Variants in NCAM1 observed in about 807,000 individuals in gnomAD.
The protein encoded by NCAM1 is antigen recognized by monoclonal antibody 5.1H11.
NCAM1 carries 14 observed loss-of-function variants against 109.8 expected under a neutral mutation model. The ratio of observed to expected loss-of-function variants is 0.13; its 90% CI spans 0.08 to 0.20. The LOEUF is 0.20. Ranked by LOEUF, NCAM1 falls within the 10% of genes least tolerant of loss-of-function variation. The probability of loss-of-function intolerance (pLI) is 1.00; values close to 1 mark genes in which losing one functional copy is unlikely to be tolerated. For missense variants in NCAM1, 774 were observed against 1,109.9 expected (o/e 0.70, Z 4.30); for synonymous variants, 418 against 442.9 (o/e 0.94, Z 0.70).
At chr11:113,171,477 C>T (rs1410005875) in intron 1 of NCAM1, among the ~76,000 whole-genome samples, 5 of 151,976 alleles carry the variant, frequency 3.3e-5, no homozygotes, top group African/African-American at 1.2e-4. Flanking sequence ...ACTAAAAATA[C>T]AAAAAATTAG....
intron 1 of NCAM1, chr11:113,133,443 A>C (rs548930990): frequency 6.6e-6 from 1 of 152,230 alleles, no homozygotes; most frequent in Non-Finnish European, 1.5e-5. Flanking sequence ...ACATCGCAAC[A>C]AAAAGGTAAG....
intron 1 of NCAM1, among the ~76,000 whole-genome samples, chr11:113,045,781 G>A (rs940021640): frequency 1.3e-5 from 2 of 151,900 alleles, no homozygotes; most frequent in Non-Finnish European, 2.9e-5. Flanking sequence ...TATAGAAATA[G>A]GCTTTTCTCT....
chr11:113,215,076 T>C (rs1215889573), intron 8 of NCAM1, among the ~76,000 whole-genome samples: 6 of 152,220 alleles, frequency 3.9e-5, no homozygotes, highest in Admixed American at 3.9e-4. Flanking sequence ...GAGGATTACA[T>C]CCTGGTTTTT....
rs149499467 is a variant in NCAM1, at chr11:113,012,164, G to A, written c.52+50500G>A. The stretch of plus-strand genomic sequence containing the variant: ...CTCCTGAGGAGCTGGGACTATAAGC[G>A]CGCACCTTCATGCCTGGCTAATTTT... On this transcript the variant is annotated intron_variant, in intron 1 of 19. Coordinates refer to ENST00000316851, the MANE Select transcript of NCAM1 (RefSeq NM_181351.5). Among the ~76,000 whole-genome samples, 306 of 152,016 alleles carry A rather than the reference G, an allele frequency of 2.0e-3. 1 individual carries two copies. Among genetic ancestry groups the A allele is most frequent in the African/African-American group, 6.3e-3 (263 of 41,448 alleles).
At chr11:112,974,070 TAA>T (rs1555067278) in intron 1 of NCAM1, among the ~76,000 whole-genome samples, 1 of 152,116 alleles carries the variant, frequency 6.6e-6, no homozygotes, top group African/African-American at 2.4e-5. Context: ...TGGTTGCTGC[TAA>T]AGATCATATT....
chr11:113,141,712 G>GTGCTCAAGTACTGCCTTCCCAC (rs1442155980), intron 1 of NCAM1, among the ~76,000 whole-genome samples: 2 of 151,960 alleles, frequency 1.3e-5, no homozygotes, highest in Non-Finnish European at 2.9e-5. Context: ...TAGACAGAAA[G>GTGCTCAAGTACTGCCTTCCCAC]TGCTCAAGTA....
intron 15 of NCAM1, among the ~76,000 whole-genome samples, chr11:113,246,797 A>G (rs782599459): frequency 1.6e-4 from 25 of 152,250 alleles, no homozygotes; most frequent in Non-Finnish European, 2.9e-4. Flanking sequence ...AATGTTTACA[A>G]CCTTGAAATG....
intron 1 of NCAM1, among the ~76,000 whole-genome samples, chr11:113,174,224 G>A (rs1246156549): frequency 6.6e-6 from 1 of 152,180 alleles, no homozygotes; most frequent in Non-Finnish European, 1.5e-5. Context: ...ATAGGACTTA[G>A]TTCCTCGAAT....
intron 1 of NCAM1, among the ~76,000 whole-genome samples, chr11:113,063,607 C>A (rs1198640768): frequency 6.6e-6 from 1 of 152,170 alleles, no homozygotes; most frequent in Non-Finnish European, 1.5e-5. Flanking sequence ...ACACCGTGGG[C>A]CCATATAATT....
chr11:113,173,591 G>GATAT lies in NCAM1; in HGVS notation c.53-28755_53-28752dup, dbSNP rs5794851. The stretch of plus-strand genomic sequence containing the variant: ...TATGACTAATATTAGCATGTTACCT[G>GATAT]ATATATATATATATATATATATATA... On this transcript the variant is annotated intron_variant, in intron 1 of 19. Transcript: ENST00000316851. Among the ~76,000 whole-genome samples, 614 of 126,570 alleles carry GATAT rather than the reference G, an allele frequency of 4.9e-3. 18 individuals carry two copies. Among genetic ancestry groups the GATAT allele is most frequent in the South Asian group, 4.9e-3 (19 of 3,878 alleles). The allele number at this position is 126,570 out of a possible 152,430, so 83.0% of individuals were successfully genotyped here.
intron 1 of NCAM1, among the ~76,000 whole-genome samples, chr11:113,007,308 C>T (rs1555073483): frequency 6.6e-6 from 1 of 152,138 alleles, no homozygotes; most frequent in Non-Finnish European, 1.5e-5. Context: ...GATCTTCCTG[C>T]CTCAGCCTCC....
intron 17 of NCAM1, chr11:113,264,845 C>T: frequency 1.0e-6 from 1 of 985,438 alleles, no homozygotes; most frequent in South Asian, 4.7e-5. Context: ...ACAGTGCGCT[C>T]CTCAGGAGGC....
In NCAM1 at chr11:113,038,225, G is replaced by T. The variant is rs894391247; in HGVS notation, c.52+76561G>T. ...ATTATCGCTCACTAATCCCTAAATCGATGTCCCAGCCAAAGTGCCCCACTC... is the reference window on the plus strand; with the variant it reads ...ATTATCGCTCACTAATCCCTAAATCTATGTCCCAGCCAAAGTGCCCCACTC... On this transcript the variant is annotated intron_variant, in intron 1 of 19. Transcript: ENST00000316851. 3.9e-5 allele frequency among the ~76,000 whole-genome samples: 6 copies of T among 152,130 alleles called. No individual in the cohort carries two copies. The South Asian group carries it at 1.0e-3, about 26-fold the overall frequency.
At chr11:113,260,084 C>A (rs1945945908) in intron 16 of NCAM1, 62 bp from the exon 17 acceptor site, 2 of 1,479,320 alleles carry the variant, frequency 1.4e-6, no homozygotes, top group Admixed American at 4.4e-5. Context: ...CTGGTCTTAC[C>A]AGTACTTTTA....
chr11:113,170,848 C>A (rs966547961), intron 1 of NCAM1, among the ~76,000 whole-genome samples: 4 of 152,142 alleles, frequency 2.6e-5, no homozygotes, highest in Admixed American at 6.5e-5. Flanking sequence ...TCCAATACCG[C>A]TAAAAGCTAA....
At chr11:113,039,914 G>A (rs186357324) in intron 1 of NCAM1, among the ~76,000 whole-genome samples, 55 of 152,314 alleles carry the variant, frequency 3.6e-4, no homozygotes, top group African/African-American at 1.2e-3. Flanking sequence ...GCCAAGGCAG[G>A]CAGATCATCT....
intron 1 of NCAM1, among the ~76,000 whole-genome samples, chr11:113,148,418 C>T (rs1470193137): frequency 6.6e-6 from 1 of 150,414 alleles, no homozygotes; most frequent in African/African-American, 2.5e-5. Context: ...GATCAAACTC[C>T]ATATCTCATT....
At chr11:112,994,600 G>A (rs1306681102) in intron 1 of NCAM1, among the ~76,000 whole-genome samples, 1 of 152,282 alleles carries the variant, frequency 6.6e-6, no homozygotes. Context: ...TGGGGAAGAG[G>A]AGTCAGCAGT....
chr11:113,117,993 C>T (rs782438420), intron 1 of NCAM1, among the ~76,000 whole-genome samples: 11 of 152,000 alleles, frequency 7.2e-5, no homozygotes, highest in South Asian at 4.2e-4. Flanking sequence ...ATTAATAGCA[C>T]GGATTGAAAG....
Sources: gnomAD v4.1 joint callset for allele counts (sites outside exome capture counted in the v4.1 genomes callset) on GRCh38, gnomAD v4.1.1 for gene constraint, MANE v1.5 for transcripts, NCBI Gene and HGNC (gene_info 2026-07-23, HGNC 2026-07-21) for gene names.